Variants in SRRM3 observed in about 807,000 individuals in gnomAD.
SRRM3 encodes serine/arginine repetitive matrix 3.
A neutral mutation model predicts 66.2 loss-of-function variants in SRRM3; 27 were observed. That is an observed-to-expected ratio of 0.41 (90% CI 0.30 to 0.56). The LOEUF (loss-of-function observed/expected upper bound fraction) is 0.56. SRRM3 is among the 20% of genes least tolerant of loss of function. SRRM3 has a pLI of 0.32. For missense variants in SRRM3, 918 were observed against 991.9 expected (o/e 0.93, Z 1.00); for synonymous variants, 391 against 414.9 (o/e 0.94, Z 0.70).
chr7:76,251,596 G>C (rs1326598835), intron 3 of SRRM3, among the ~76,000 whole-genome samples: 1 of 151,810 alleles, frequency 6.6e-6, no homozygotes, highest in Admixed American at 6.6e-5. Flanking sequence ...GGATGGTCCC[G>C]ATCTCCTGAC....
At chr7:76,264,674 C>A in intron 8 of SRRM3, 91 bp from the exon 9 acceptor site, 2 of 1,378,620 alleles carry the variant, frequency 1.5e-6, no homozygotes, top group South Asian at 1.2e-5. Context: ...GAACAAATCT[C>A]AGATCCACAC....
chr7:76,210,689 T>C (rs1161589382), intron 1 of SRRM3, among the ~76,000 whole-genome samples: 24 of 151,998 alleles, frequency 1.6e-4, no homozygotes, highest in African/African-American at 5.8e-4. Flanking sequence ...GGGCGGGTAG[T>C]GCACTATGAT....
At chr7:76,211,387 C>T (rs951952953) in intron 1 of SRRM3, among the ~76,000 whole-genome samples, 6 of 61,478 alleles carry the variant, frequency 9.8e-5, no homozygotes, top group South Asian at 1.2e-3. Flanking sequence ...AGCGAAAGCC[C>T]GGGTTGGAGA....
At chr7:76,257,878 G>A (rs1801753326) in intron 3 of SRRM3, among the ~76,000 whole-genome samples, 1 of 152,194 alleles carries the variant, frequency 6.6e-6, no homozygotes, top group South Asian at 2.1e-4. Context: ...TCGAGAAGAG[G>A]CTCACAGAGG....
intron 1 of SRRM3, among the ~76,000 whole-genome samples, chr7:76,214,286 G>A (rs1430838420): frequency 6.6e-6 from 1 of 152,028 alleles, no homozygotes; most frequent in Admixed American, 6.6e-5. Flanking sequence ...CTCCCGATCC[G>A]ACATTAAGGG....
chr7:76,250,500 C>T (rs1364723027), intron 3 of SRRM3, among the ~76,000 whole-genome samples: 1 of 152,204 alleles, frequency 6.6e-6, no homozygotes, highest in Non-Finnish European at 1.5e-5. Flanking sequence ...TCCCAAAGTG[C>T]TGGGATTACA....
intron 11 of SRRM3, among the ~76,000 whole-genome samples, chr7:76,280,835 T>C (rs1354291114): frequency 7.0e-6 from 1 of 143,524 alleles, no homozygotes; most frequent in East Asian, 2.2e-4. Flanking sequence ...CCCCCACTCT[T>C]GTCCCCTGCC....
At chr7:76,274,818 C>T (rs1802300467) in intron 11 of SRRM3, among the ~76,000 whole-genome samples, 1 of 152,178 alleles carries the variant, frequency 6.6e-6, no homozygotes, top group South Asian at 2.1e-4. Flanking sequence ...AGAAATTTGG[C>T]ATTCTGGCCA....
chr7:76,278,802 T>C (rs1554611478), intron 11 of SRRM3, among the ~76,000 whole-genome samples: 2 of 152,344 alleles, frequency 1.3e-5, no homozygotes, highest in African/African-American at 2.4e-5. Context: ...TCTACCTCCA[T>C]GTTCAGCTCA....
At chr7:76,259,804 C>G in intron 3 of SRRM3, 102 bp from the exon 4 acceptor site, 1 of 1,553,642 alleles carries the variant, frequency 6.4e-7, no homozygotes, top group Non-Finnish European at 8.7e-7. Context: ...AGCCGGGTAG[C>G]AGCCCGCAGA....
intron 3 of SRRM3, 60 bp from the exon 4 acceptor site, chr7:76,259,846 A>G: frequency 6.3e-7 from 1 of 1,596,354 alleles, no homozygotes; most frequent in South Asian, 1.1e-5. Context: ...CCCTGCGCCG[A>G]GAAAAGGGGT....
At chr7:76,266,660 TTA>T (rs1240366974) in intron 10 of SRRM3, among the ~76,000 whole-genome samples, 9 of 132,960 alleles carry the variant, frequency 6.8e-5, no homozygotes, top group Non-Finnish European at 1.4e-4. Flanking sequence ...ATATATATTA[TTA>T]TATATATTTA....
intron 2 of SRRM3, among the ~76,000 whole-genome samples, chr7:76,238,464 A>C (rs1223622648): frequency 1.3e-5 from 2 of 152,162 alleles, no homozygotes; most frequent in Non-Finnish European, 2.9e-5. Flanking sequence ...CCTTTTCCTT[A>C]ATATTGATGG....
intron 11 of SRRM3, chr7:76,273,203 C>T (rs1583935673): frequency 2.0e-5 from 3 of 152,294 alleles, no homozygotes; most frequent in African/African-American, 4.8e-5. Flanking sequence ...CTCTGTCTGC[C>T]TCCTGTCTCT....
At chr7:76,222,943 C>T (rs555823650) in intron 1 of SRRM3, among the ~76,000 whole-genome samples, 30 of 152,230 alleles carry the variant, frequency 2.0e-4, no homozygotes, top group South Asian at 6.2e-4. Context: ...CCTCTTTCCT[C>T]TCCATGCCTT....
At position 76,264,751 on chromosome 7, in the gene SRRM3, T is replaced by C; in HGVS notation, c.675-14T>C. The C allele has an allele frequency of 6.2e-7, 1 of 1,613,810 alleles. No homozygotes were observed. Among genetic ancestry groups the C allele is most frequent in the Middle Eastern group, 1.7e-4 (1 of 6,060 alleles). On this transcript the variant is annotated splice_polypyrimidine_tract_variant and intron_variant, in intron 8 of 14. Coordinates refer to ENST00000611745, the MANE Select transcript of SRRM3 (RefSeq NM_001110199.3). ...CCCGGGCCACACCATCACTGTGGTCTCTGCTCTCTGCAGATCTCGAAGCTC... is the reference window on the plus strand; with the variant it reads ...CCCGGGCCACACCATCACTGTGGTCCCTGCTCTCTGCAGATCTCGAAGCTC...
chr7:76,216,847 G>A (rs974499324), intron 1 of SRRM3, among the ~76,000 whole-genome samples: 6 of 152,208 alleles, frequency 3.9e-5, no homozygotes, highest in African/African-American at 1.4e-4. Flanking sequence ...AACGAGAGGC[G>A]CATCTGGATC....
chr7:76,272,489 G>T (rs1802237877), intron 11 of SRRM3, among the ~76,000 whole-genome samples: 1 of 152,038 alleles, frequency 6.6e-6, no homozygotes. Context: ...GATCACTTGA[G>T]CCCAGGAGTT....
At chr7:76,267,551 G>C in intron 11 of SRRM3, 116 bp downstream of exon 11, 33 of 349,098 alleles carry the variant, frequency 9.5e-5, no homozygotes, top group East Asian at 3.0e-4. Context: ...GGGGGCGGGG[G>C]CGGCCGCTTC....
Sources: allele counts gnomAD v4.1 joint callset (sites outside exome capture counted in the v4.1 genomes callset), GRCh38; gene constraint gnomAD v4.1.1; transcripts MANE v1.5; gene names NCBI Gene and HGNC (gene_info 2026-07-23, HGNC 2026-07-21).